KDM3A: variants seen among roughly 807,000 people sequenced by gnomAD.
The protein encoded by KDM3A is lysine-specific demethylase 3A.
KDM3A carries 60 observed loss-of-function variants against 158.0 expected under a neutral mutation model. That is an observed-to-expected ratio of 0.38 (90% confidence interval 0.31 to 0.47). The LOEUF (loss-of-function observed/expected upper bound fraction) is 0.47. Ranked by LOEUF, KDM3A falls within the 20% of genes least tolerant of loss-of-function variation. KDM3A has a pLI of 0.99. For missense variants in KDM3A, 1,319 were observed against 1,574.3 expected, an observed-to-expected ratio of 0.84 and a Z score of 2.74; for synonymous variants, 608 against 549.3, an observed-to-expected ratio of 1.11 and a Z score of -1.49.
intron 12 of KDM3A, 59 bp downstream of exon 12, chr2:86,475,049 T>A: frequency 7.3e-7 from 1 of 1,360,668 alleles, no homozygotes; most frequent in Non-Finnish European, 1.0e-6. Context: ...TGTTCCTAAG[T>A]GACACCTAAG....
At chr2:86,458,715 A>G (rs1436659980) in intron 8 of KDM3A, among the ~76,000 whole-genome samples, 1 of 152,178 alleles carries the variant, frequency 6.6e-6, no homozygotes, top group South Asian at 2.1e-4. Context: ...GGTGAAGGGC[A>G]AATGTTTCAT....
At chr2:86,483,137 G>C (rs1674020879) in intron 18 of KDM3A, 1 of 159,796 alleles carries the variant, frequency 6.3e-6, no homozygotes, top group African/African-American at 2.4e-5. Context: ...TAGTCCCCAG[G>C]TGCCTGCTTC....
chr2:86,468,061 A>G (rs1310961125), intron 10 of KDM3A, among the ~76,000 whole-genome samples: 1 of 152,156 alleles, frequency 6.6e-6, no homozygotes, highest in East Asian at 1.9e-4. Flanking sequence ...TACGAAAACA[A>G]TTTATTTATT....
intron 20 of KDM3A, among the ~76,000 whole-genome samples, chr2:86,485,362 C>T (rs889743700): frequency 3.3e-5 from 5 of 152,200 alleles, no homozygotes; most frequent in Non-Finnish European, 7.3e-5. Flanking sequence ...AATGTAGTCA[C>T]AGCACTGAGT....
At chr2:86,448,267 T>C (rs1367768772) in intron 2 of KDM3A, among the ~76,000 whole-genome samples, 1 of 152,216 alleles carries the variant, frequency 6.6e-6, no homozygotes, top group Non-Finnish European at 1.5e-5. Flanking sequence ...TCATTTATTT[T>C]TATCCTGTAG....
At chr2:86,450,016 G>T (rs1672375685) in intron 3 of KDM3A, 54 bp downstream of exon 3, 10 of 1,524,868 alleles carry the variant, frequency 6.6e-6, no homozygotes, top group Non-Finnish European at 8.8e-6. Context: ...TTTATCCATT[G>T]TGGGTACAAA....
At chr2:86,458,345 T>A (rs1244224026) in intron 8 of KDM3A, among the ~76,000 whole-genome samples, 2 of 152,208 alleles carry the variant, frequency 1.3e-5, no homozygotes, top group African/African-American at 4.8e-5. Flanking sequence ...TGTCCTCCTT[T>A]GAAGGGTATA....
At chr2:86,473,114 C>T (rs1673492112) in intron 11 of KDM3A, among the ~76,000 whole-genome samples, 1 of 152,150 alleles carries the variant, frequency 6.6e-6, no homozygotes, top group Admixed American at 6.5e-5. Context: ...TTTCTTATGT[C>T]TCCTACTAGA....
chr2:86,481,577 T>G (rs1673932430), intron 16 of KDM3A, among the ~76,000 whole-genome samples: 1 of 152,008 alleles, frequency 6.6e-6, no homozygotes, highest in South Asian at 2.1e-4. Flanking sequence ...AGCATTGTAC[T>G]GGAAGTCCTG....
Position 86,466,838 on chromosome 2 carries a change from G to A in KDM3A, c.1474G>A (p.Asp492Asn). ...TTTAAAGGAATCTTCAGTAAAAGTA[G>A]ATAATGAAAGCTGTTGTTCAAGAAG... Reference protein sequence around the residue: ...QNLKESSVKVDNESCCSRSNN... With the variant: ...QNLKESSVKVNNESCCSRSNN... Residue 492 changes from aspartate (D) to asparagine (N), a missense_variant, in exon 10 of 26, where the codon GAT becomes AAT. Around this residue, in one of 4 missense-constraint regions of KDM3A, gnomAD observed 652 missense variants for 627.2 expected, o/e 1.04. Coordinates refer to ENST00000312912, the MANE Select transcript of KDM3A (RefSeq NM_018433.6). 6.2e-7 allele frequency: 1 copy of A among 1,610,776 alleles called. No individual in the cohort carries two copies.
intron 2 of KDM3A, among the ~76,000 whole-genome samples, chr2:86,448,284 G>A (rs1001802015): frequency 6.6e-6 from 1 of 152,184 alleles, no homozygotes; most frequent in African/African-American, 2.4e-5. Context: ...GTAGACTGGA[G>A]AAGGTTTGGG....
chr2:86,440,188 T>TTC (rs10647570), upstream of KDM3A, among the ~76,000 whole-genome samples: 121,503 of 151,974 alleles, frequency 0.8, 49,166 homozygotes, highest in East Asian at 0.96. Flanking sequence ...AATTTAATTC[T>TTC]TGTTACTAAC....
chr2:86,452,555 C>A (rs1323141838), intron 4 of KDM3A, among the ~76,000 whole-genome samples: 1 of 152,124 alleles, frequency 6.6e-6, no homozygotes, highest in Non-Finnish European at 1.5e-5. Flanking sequence ...GAATAGACTG[C>A]ACACACGCAT....
At chr2:86,449,655 G>C (rs1672354613) in intron 2 of KDM3A, 152 bp from the exon 3 acceptor site, 1 of 784,054 alleles carries the variant, frequency 1.3e-6, no homozygotes, top group Non-Finnish European at 1.9e-6. Context: ...ATTGTGGGCT[G>C]TGACAGGAAG....
intron 23 of KDM3A, 36 bp from the exon 24 acceptor site, chr2:86,490,845 G>A: frequency 6.4e-7 from 1 of 1,556,698 alleles, no homozygotes. Context: ...GCCTTAGCAT[G>A]TTACTGAGTT....
In KDM3A at chr2:86,491,152, A is replaced by G; in HGVS notation, c.3762A>G (p.Leu1254=). The G allele has an allele frequency of 6.2e-7, 1 of 1,614,014 alleles. No individual in the cohort carries two copies. The highest frequency in any genetic ancestry group is 1.1e-5 in the South Asian group (1 of 91,078). ...PAGAPHQVHN[L]YSCIKVAEDF... ...TTGGTGTTTTTCAGGTTCATAACTTATATAGCTGCATCAAAGTGGCTGAAG... is the reference window on the plus strand; with the variant it reads ...TTGGTGTTTTTCAGGTTCATAACTTGTATAGCTGCATCAAAGTGGCTGAAG... The change falls in exon 25 of 26, where the codon TTA becomes TTG. Residue 1254 remains leucine (L), a synonymous_variant. Coordinates refer to ENST00000312912, the MANE Select transcript of KDM3A (RefSeq NM_018433.6).
chr2:86,458,615 G>A (rs908461366), intron 8 of KDM3A, among the ~76,000 whole-genome samples: 2 of 152,144 alleles, frequency 1.3e-5, no homozygotes, highest in African/African-American at 4.8e-5. Flanking sequence ...TCCCACAAGT[G>A]CAGGGAGAGT....
At chr2:86,455,020 T>A in intron 4 of KDM3A, 65 bp from the exon 5 acceptor site, 2 of 938,206 alleles carry the variant, frequency 2.1e-6, no homozygotes, top group Non-Finnish European at 3.2e-6. Flanking sequence ...AATAGCCCAC[T>A]GGAATTTAAA....
intron 8 of KDM3A, among the ~76,000 whole-genome samples, chr2:86,463,345 CCTTT>C (rs947713081): frequency 1.3e-5 from 2 of 152,046 alleles, no homozygotes; most frequent in African/African-American, 4.8e-5. Context: ...TTGAGTTTCT[CCTTT>C]CTTTTTTATG....
Sources: gnomAD v4.1 joint callset for allele counts (sites outside exome capture counted in the v4.1 genomes callset) on GRCh38, gnomAD v4.1.1 for gene constraint, gnomAD v4.1.1 regional missense constraint, MANE v1.5 for transcripts, NCBI Gene and HGNC (gene_info 2026-07-23, HGNC 2026-07-21) for gene names.